Variants in NXPE3 observed in about 807,000 individuals in gnomAD.
NXPE3 encodes neurexophilin and PC-esterase domain family member 3.
NXPE3 carries 26 observed loss-of-function variants against 46.1 expected under a neutral mutation model. The ratio of observed to expected loss-of-function variants is 0.56; its 90% CI spans 0.41 to 0.78. The LOEUF (loss-of-function observed/expected upper bound fraction) is 0.78, where lower values mean the gene tolerates loss of function less well. Among genes scored for constraint, NXPE3 ranks in the 30% least tolerant of loss-of-function variants. The probability of loss-of-function intolerance (pLI) is 0.00; values close to 1 mark genes in which losing one functional copy is unlikely to be tolerated. For synonymous variants in NXPE3, 272 were observed against 257.9 expected (o/e 1.05, Z -0.52); for missense variants, 620 against 686.0 (o/e 0.90, Z 1.07).
At chr3:101,818,372 G>A (rs756654776) in intron 7 of NXPE3, among the ~76,000 whole-genome samples, 26 of 152,232 alleles carry the variant, frequency 1.7e-4, no homozygotes, top group Non-Finnish European at 3.5e-4. Flanking sequence ...GCTAGACAAG[G>A]TTTGATGTGA....
chr3:101,782,577 T>A (rs1251908014), intron 2 of NXPE3, 83 bp from the exon 3 acceptor site: 1 of 152,212 alleles, frequency 6.6e-6, no homozygotes, highest in Non-Finnish European at 1.5e-5. Context: ...TTTAATGCTT[T>A]GTTTCTGCTA....
chr3:101,784,189 CATT>C (rs1392661321), intron 3 of NXPE3, among the ~76,000 whole-genome samples: 1 of 152,046 alleles, frequency 6.6e-6, no homozygotes, highest in Non-Finnish European at 1.5e-5. Context: ...AATGCAGTAT[CATT>C]AAGTTGCTTT....
chr3:101,819,449 T>C (rs1182469920), intron 7 of NXPE3, among the ~76,000 whole-genome samples: 1 of 152,248 alleles, frequency 6.6e-6, no homozygotes, highest in African/African-American at 2.4e-5. Context: ...ATCTGTGTTA[T>C]TCTCATGATA....
At chr3:101,783,294 C>T (rs1296231704) in intron 3 of NXPE3, among the ~76,000 whole-genome samples, 1 of 152,156 alleles carries the variant, frequency 6.6e-6, no homozygotes, top group Non-Finnish European at 1.5e-5. Flanking sequence ...ATCTCCTGAC[C>T]TTGTGATCCG....
At position 101,801,785 on chromosome 3, in the gene NXPE3, G is replaced by A. The variant is rs746081450; in HGVS notation, c.644G>A (p.Arg215His). ...AGGGTCTATTTCAAGAGTCTCTTCC[G>A]TTCAGGAAGAATTTCTGAAACTACT... is the stretch of plus-strand genomic sequence containing the variant. The part of the protein sequence containing the change: ...PDRVYFKSLF[R>H]SGRISETTEC... Residue 215 changes from arginine (R) to histidine (H), a missense_variant, in exon 5 of 8, where the codon CGT (arginine) becomes CAT (histidine). This residue lies in a region of NXPE3 where 511 missense variants were observed against 528.6 expected (regional missense o/e 0.97). Coordinates refer to ENST00000273347, the MANE Select transcript of NXPE3 (RefSeq NM_145037.4). 1.2e-5 allele frequency: 19 copies of A among 1,614,124 alleles called. No individual in the cohort carries two copies. In the East Asian group the frequency reaches 1.6e-4, roughly 13 times the overall value.
At chr3:101,815,498 A>G (rs610284) in intron 6 of NXPE3, among the ~76,000 whole-genome samples, 312 of 152,372 alleles carry the variant, frequency 2.0e-3, no homozygotes, top group Non-Finnish European at 3.5e-3. Flanking sequence ...TTCTGGGAGA[A>G]TGCTGGATAA....
intron 4 of NXPE3, among the ~76,000 whole-genome samples, chr3:101,794,147 A>C (rs1168951261): frequency 6.6e-6 from 1 of 151,870 alleles, no homozygotes; most frequent in East Asian, 1.9e-4. Flanking sequence ...GAGAGGCTAA[A>C]TCGCATTACT....
rs556782261 is a variant in NXPE3, at chr3:101,793,154, G to A, written c.93+7465G>A. ...TGCTGAAGTTGTTTATTAACTAGAG[G>A]AGCTTTTGGGCTGAGATTATGGGTT... is the stretch of plus-strand genomic sequence containing the variant. On this transcript the variant is annotated intron_variant, in intron 4 of 7. Coordinates refer to ENST00000273347, the MANE Select transcript of NXPE3 (RefSeq NM_145037.4). Among the ~76,000 whole-genome samples, 3 of 152,304 alleles carry A rather than the reference G, an allele frequency of 2.0e-5. No homozygotes were observed. The East Asian group carries it at 5.8e-4, about 29-fold the overall frequency.
chr3:101,811,076 C>T (rs938736230), intron 6 of NXPE3, among the ~76,000 whole-genome samples: 2 of 152,206 alleles, frequency 1.3e-5, no homozygotes, highest in African/African-American at 2.4e-5. Flanking sequence ...CCACCTTGCC[C>T]TCCCAAAGTG....
rs778171574 is a variant in NXPE3 at position 101,827,772 on chromosome 3, T to C, written c.*5818T>C. On this transcript the variant is annotated 3_prime_UTR_variant, in exon 8 of 8. Coordinates refer to ENST00000273347, the MANE Select transcript of NXPE3 (RefSeq NM_145037.4). ...GGTCGGTACCTTTTTGGTCTGGGAATTTCCAGTGTGCAGAAAAAAAATCCA... is the reference window on the plus strand; with the variant it reads ...GGTCGGTACCTTTTTGGTCTGGGAACTTCCAGTGTGCAGAAAAAAAATCCA... Among the ~76,000 whole-genome samples, 77 of 152,194 alleles carry C rather than the reference T, an allele frequency of 5.1e-4. No individual in the cohort carries two copies. Among genetic ancestry groups the C allele is most frequent in the Non-Finnish European group, 9.1e-4 (62 of 68,004 alleles).
intron 4 of NXPE3, among the ~76,000 whole-genome samples, chr3:101,796,127 C>A (rs1392032056): frequency 6.6e-6 from 1 of 152,210 alleles, no homozygotes; most frequent in Non-Finnish European, 1.5e-5. Flanking sequence ...CATGCCCATT[C>A]CTGAACCAGC....
At chr3:101,786,701 A>C (rs139036104) in intron 4 of NXPE3, among the ~76,000 whole-genome samples, 339 of 152,316 alleles carry the variant, frequency 2.2e-3, no homozygotes, top group Non-Finnish European at 3.8e-3. Flanking sequence ...TCCTACACCG[A>C]TAGTTCCTTT....
rs1303470999 is a variant in NXPE3 at position 101,801,918 on chromosome 3, CAG to C, written c.779_780del (p.Arg260AsnfsTer37). The stretch of plus-strand genomic sequence containing the variant: ...AACCAAAGAAGCTCCCTTGCAGCAG[CAG>C]AATTACCCATTTCAAAGGTGGATAC... ...FKPKKLPCSS[R>X]ITHFKGGYLK... On this transcript the variant is annotated frameshift_variant, in exon 5 of 8. Coordinates refer to ENST00000273347, the MANE Select transcript of NXPE3 (RefSeq NM_145037.4). LOFTEE classifies it high-confidence loss of function. The C allele has an allele frequency of 1.2e-6, 2 of 1,614,092 alleles. No homozygotes were observed. The highest frequency in any genetic ancestry group is 1.7e-6 in the Non-Finnish European group (2 of 1,179,998).
In NXPE3 at chr3:101,820,176, A is replaced by G. The variant is rs867384541; in HGVS notation, c.1130-1228A>G. 2.6e-5 allele frequency among the ~76,000 whole-genome samples: 4 copies of G among 152,358 alleles called. No individual in the cohort carries two copies. The South Asian group carries it at 8.3e-4, about 32-fold the overall frequency. On this transcript the variant is annotated intron_variant, in intron 7 of 7. Transcript: ENST00000273347. ...ATAATATTTATCTGTTAGGAGAATA[A>G]AATGTAAATGCCAATTTGATTTTTA...
intron 6 of NXPE3, among the ~76,000 whole-genome samples, chr3:101,813,097 C>T (rs1053017648): frequency 3.9e-5 from 6 of 152,084 alleles, no homozygotes; most frequent in African/African-American, 1.4e-4. Flanking sequence ...TGTTCCTAAC[C>T]AGCTCAATAT....
intron 6 of NXPE3, 38 bp downstream of exon 6, chr3:101,807,164 C>A: frequency 6.7e-7 from 1 of 1,494,268 alleles, no homozygotes; most frequent in Non-Finnish European, 9.3e-7. Context: ...TGTTGTTTTT[C>A]TTACTAACTG....
chr3:101,810,925 G>A (rs1560059922), intron 6 of NXPE3, among the ~76,000 whole-genome samples: 1 of 151,988 alleles, frequency 6.6e-6, no homozygotes, highest in Non-Finnish European at 1.5e-5. Context: ...TGCCTCCTGT[G>A]TTCAAGCGAT....
At position 101,808,854 on chromosome 3, in the gene NXPE3, T is replaced by TATAC. The variant is rs770360739; in HGVS notation, c.922+1730_922+1731insACAT. 1.4e-3 allele frequency among the ~76,000 whole-genome samples: 136 copies of TATAC among 100,342 alleles called. 6 individuals are homozygous for TATAC. Among genetic ancestry groups the TATAC allele is most frequent in the Admixed American group, 2.7e-3 (25 of 9,148 alleles). 65.8% of individuals were successfully genotyped at this position (100,342 alleles called of 152,430 possible). A position where few individuals can be genotyped will look rare whatever the true frequency, so the allele number is the denominator to read the frequency against. On this transcript the variant is annotated intron_variant, in intron 6 of 7. Coordinates refer to ENST00000273347, the MANE Select transcript of NXPE3 (RefSeq NM_145037.4). ...ATATATATATATATATATATATATATATGAGACATTTATCTTTTATCTGTT... is the reference window on the plus strand; with the variant it reads ...ATATATATATATATATATATATATATATACATGAGACATTTATCTTTTATCTGTT...
rs1942443879 is a variant in NXPE3 at position 101,825,265 on chromosome 3, A to G, written c.*3311A>G. 1 of 152,150 alleles carries G rather than the reference A, an allele frequency of 6.6e-6. No homozygotes were observed. The highest frequency in any genetic ancestry group is 2.4e-5 in the African/African-American group (1 of 41,424). 9.4% of individuals were successfully genotyped at this position (152,150 alleles called of 1,614,324 possible). On this transcript the variant is annotated 3_prime_UTR_variant, in exon 8 of 8. Transcript: ENST00000273347. The stretch of plus-strand genomic sequence containing the variant: ...TGAGAACAACTTTCATCCCACATCT[A>G]ATTTGTCTTTCTTCACTCTGGTGTG...
Sources: allele counts gnomAD v4.1 joint callset (sites outside exome capture counted in the v4.1 genomes callset), GRCh38; gene constraint gnomAD v4.1.1; regional missense constraint gnomAD v4.1.1; transcripts MANE v1.5; gene names NCBI Gene and HGNC (gene_info 2026-07-23, HGNC 2026-07-21).